The following DPP6 variants were observed in gnomAD, a reference collection of about 807,000 sequenced individuals.
The protein encoded by DPP6 is dipeptidyl peptidase like 6, also known as A-type potassium channel modulatory protein DPP6.
A neutral mutation model predicts 122.6 loss-of-function variants in DPP6; 69 were observed. The ratio of observed to expected loss-of-function variants is 0.56; its 90% CI spans 0.46 to 0.69. DPP6 has a LOEUF of 0.69. DPP6 is among the 30% of genes least tolerant of loss of function. The probability of loss-of-function intolerance (pLI) is 0.00; values close to 1 mark genes in which losing one functional copy is unlikely to be tolerated. For synonymous variants in DPP6, 418 were observed against 433.1 expected (o/e 0.97, Z 0.43); for missense variants, 928 against 1,116.9 (o/e 0.83, Z 2.41).
rs556875436 is a variant in DPP6, at chr7:154,412,950, G to A, written c.244-33264G>A. Reference sequence around the variant, plus strand: ...TCCTCATGAGAAACACCTTTCTTAGGGAAATACCTTGTGTTGCTCTTTTAG... The same window carrying A: ...TCCTCATGAGAAACACCTTTCTTAGAGAAATACCTTGTGTTGCTCTTTTAG... On this transcript the variant is annotated intron_variant, in intron 1 of 25. Transcript: ENST00000377770. 1.1e-4 allele frequency among the ~76,000 whole-genome samples: 17 copies of A among 152,318 alleles called. No individual in the cohort carries two copies. In the South Asian group the frequency reaches 3.3e-3, roughly 30 times the overall value.
intron 1 of DPP6, among the ~76,000 whole-genome samples, chr7:154,278,521 A>G (rs1005967305): frequency 4.6e-5 from 7 of 152,350 alleles, no homozygotes; most frequent in Admixed American, 2.0e-4. Flanking sequence ...TGAATTGAGC[A>G]TGTGGGTCTG....
chr7:154,372,905 C>T (rs1050051134), intron 1 of DPP6, among the ~76,000 whole-genome samples: 2 of 152,130 alleles, frequency 1.3e-5, no homozygotes, highest in Non-Finnish European at 2.9e-5. Flanking sequence ...CAGGCTGAGG[C>T]CTTTGCAGAC....
At chr7:153,866,659 T>C in the DPP6 span, among the ~76,000 whole-genome samples, 2 of 152,198 alleles carry the variant, frequency 1.3e-5, no homozygotes, top group Non-Finnish European at 2.9e-5. Context: ...TTTAATTAGA[T>C]CCCATTTGTC....
chr7:154,381,906 G>C (rs539943276), intron 1 of DPP6, among the ~76,000 whole-genome samples: 56 of 152,082 alleles, frequency 3.7e-4, no homozygotes, highest in Non-Finnish European at 7.2e-4. Context: ...ATTGGTGTCC[G>C]AGCTTCTGTG....
intron 1 of DPP6, among the ~76,000 whole-genome samples, chr7:153,957,933 G>A (rs533516977): frequency 1.7e-3 from 256 of 152,276 alleles, no homozygotes; most frequent in African/African-American, 5.5e-3. Context: ...GGAGGCCAAG[G>A]TGGGTGGATC....
chr7:154,478,414 C>T (rs991562166), intron 3 of DPP6, among the ~76,000 whole-genome samples: 8 of 152,118 alleles, frequency 5.3e-5, no homozygotes, highest in African/African-American at 1.2e-4. Context: ...ACCACTACCA[C>T]CATCACAGTC....
At chr7:154,257,727 CAG>C (rs1369634149) in intron 1 of DPP6, among the ~76,000 whole-genome samples, 5 of 146,042 alleles carry the variant, frequency 3.4e-5, no homozygotes, top group African/African-American at 1.3e-4. Context: ...AAATAATAAA[CAG>C]AATATGCAAA....
intron 1 of DPP6, among the ~76,000 whole-genome samples, chr7:154,349,152 G>A (rs746651416): frequency 6.6e-6 from 1 of 151,998 alleles, no homozygotes; most frequent in Non-Finnish European, 1.5e-5. Flanking sequence ...GTTAATTTTT[G>A]TTGTTGTTGT....
intron 1 of DPP6, among the ~76,000 whole-genome samples, chr7:153,951,450 G>A (rs1402730203): frequency 6.6e-6 from 1 of 152,152 alleles, no homozygotes; most frequent in Non-Finnish European, 1.5e-5. Flanking sequence ...ACGAGACTGA[G>A]GATTGAGCTC....
At chr7:154,115,368 C>G (rs1806909011) in intron 1 of DPP6, among the ~76,000 whole-genome samples, 1 of 152,188 alleles carries the variant, frequency 6.6e-6, no homozygotes, top group African/African-American at 2.4e-5. Flanking sequence ...TGAATTTTGT[C>G]AAAGGACTCC....
chr7:154,089,904 A>G (rs1273543150), intron 1 of DPP6, among the ~76,000 whole-genome samples: 1 of 152,252 alleles, frequency 6.6e-6, no homozygotes, highest in African/African-American at 2.4e-5. Flanking sequence ...GGAGCATCCT[A>G]AGCCCTGTCT....
At chr7:154,571,267 T>C (rs1831092334) in intron 5 of DPP6, among the ~76,000 whole-genome samples, 1 of 152,152 alleles carries the variant, frequency 6.6e-6, no homozygotes, top group African/African-American at 2.4e-5. Flanking sequence ...ATTTGACAAA[T>C]ATGAAACATT....
In DPP6 at chr7:154,833,435, T is replaced by A. The variant is rs1800793604; in HGVS notation, c.1667-20345T>A. Among the ~76,000 whole-genome samples the A allele has an allele frequency of 6.6e-6, 1 of 152,224 alleles. No individual in the cohort carries two copies. The highest frequency in any genetic ancestry group is 6.5e-5 in the Admixed American group (1 of 15,290). On this transcript the variant is annotated intron_variant, in intron 16 of 25. Transcript: ENST00000377770. This position sits in a 1 kb window ranked among gnomAD's most constrained non-coding sequence, Gnocchi z 4.3. Reference sequence around the variant, plus strand: ...GAAGGAGCAAGAAGTGACTTCTGTGTGCCTTGGCTGCCTCATCTACAAATT... The same window carrying A: ...GAAGGAGCAAGAAGTGACTTCTGTGAGCCTTGGCTGCCTCATCTACAAATT...
the DPP6 span, among the ~76,000 whole-genome samples, chr7:153,841,680 A>G: frequency 1.3e-5 from 2 of 152,240 alleles, no homozygotes; most frequent in African/African-American, 2.4e-5. Flanking sequence ...TAAATCTTAA[A>G]GCAACTAGAG....
intron 1 of DPP6, among the ~76,000 whole-genome samples, chr7:154,019,468 T>C (rs1248824311): frequency 6.6e-6 from 1 of 150,650 alleles, no homozygotes; most frequent in African/African-American, 2.4e-5. Context: ...CCTCCCTTCC[T>C]CCCTCCCTAT....
chr7:154,431,433 T>G, intron 1 of DPP6, among the ~76,000 whole-genome samples: 7 of 98,544 alleles, frequency 7.1e-5, no homozygotes, highest in East Asian at 3.4e-4. Context: ...CAGGCTCTGT[T>G]TTTCTTTCCT....
intron 7 of DPP6, among the ~76,000 whole-genome samples, chr7:154,727,539 G>A (rs1842123723): frequency 6.6e-6 from 1 of 152,202 alleles, no homozygotes; most frequent in South Asian, 2.1e-4. Context: ...GTCATGGTAA[G>A]TGATAACATT....
At chr7:154,722,153 C>A (rs748669678) in intron 7 of DPP6, among the ~76,000 whole-genome samples, 2 of 152,202 alleles carry the variant, frequency 1.3e-5, no homozygotes, top group Non-Finnish European at 2.9e-5. Flanking sequence ...TATGATCACA[C>A]CACTGCACTC....
At chr7:154,464,051 G>A (rs1014367225) in intron 2 of DPP6, among the ~76,000 whole-genome samples, 4 of 152,124 alleles carry the variant, frequency 2.6e-5, no homozygotes, top group African/African-American at 4.8e-5. Context: ...CAGTTCTTGC[G>A]GCCTAGACTG....
Sources: gnomAD v4.1 joint callset for allele counts (sites outside exome capture counted in the v4.1 genomes callset) on GRCh38, gnomAD v4.1.1 for gene constraint, Gnocchi (gnomAD v3.1) non-coding constraint, MANE v1.5 for transcripts, NCBI Gene and HGNC (gene_info 2026-07-23, HGNC 2026-07-21) for gene names.